The following TENM2 variants were observed in gnomAD, a reference collection of about 807,000 sequenced individuals.
TENM2 encodes the protein teneurin-2.
TENM2 carries 52 observed loss-of-function variants against 245.2 expected under a neutral mutation model. The ratio of observed to expected loss-of-function variants is 0.21; its 90% CI spans 0.17 to 0.27. TENM2 has a LOEUF of 0.27. Ranked by LOEUF, TENM2 falls within the 10% of genes least tolerant of loss-of-function variation. TENM2 has a pLI of 1.00. For synonymous variants in TENM2, 1,363 were observed against 1,438.9 expected (o/e 0.95, Z 1.19); for missense variants, 3,046 against 3,666.8 (o/e 0.83, Z 4.37).
the TENM2 span, among the ~76,000 whole-genome samples, chr5:167,096,571 T>G: frequency 6.6e-6 from 1 of 152,194 alleles, no homozygotes; most frequent in African/African-American, 2.4e-5. Flanking sequence ...GGCCAAACTC[T>G]AAACATCTGA....
chr5:167,906,564 A>G (rs2151546953), intron 3 of TENM2, among the ~76,000 whole-genome samples: 1 of 152,218 alleles, frequency 6.6e-6, no homozygotes, highest in South Asian at 2.1e-4. Flanking sequence ...TGCACCTCCT[A>G]CCCACTCTGG....
At position 168,115,853 on chromosome 5, in the gene TENM2, C is replaced by T. The variant is rs117627451; in HGVS notation, c.1814-2439C>T. On this transcript the variant is annotated intron_variant, in intron 9 of 28. Transcript: ENST00000518659. ...AGCCTGCACACTGCATTGACGGTTTCGAGGCTCTATCTGGGCTCAGGGGAA... is the reference window on the plus strand; with the variant it reads ...AGCCTGCACACTGCATTGACGGTTTTGAGGCTCTATCTGGGCTCAGGGGAA... 2.8e-4 allele frequency among the ~76,000 whole-genome samples: 43 copies of T among 152,194 alleles called. 2 individuals carry two copies. The highest frequency in any genetic ancestry group is 5.8e-4 in the East Asian group (3 of 5,164).
intron 3 of TENM2, among the ~76,000 whole-genome samples, chr5:167,910,157 G>T (rs1052176984): frequency 6.6e-6 from 1 of 152,086 alleles, no homozygotes; most frequent in African/African-American, 2.4e-5. Flanking sequence ...GCAGATACAG[G>T]CACATGTGCT....
the TENM2 span, among the ~76,000 whole-genome samples, chr5:167,231,999 T>C: frequency 6.6e-6 from 1 of 152,182 alleles, no homozygotes; most frequent in Non-Finnish European, 1.5e-5. Context: ...GCCCCAAGTA[T>C]TGGTGACTTG....
At chr5:167,696,029 G>A (rs146949961) in intron 2 of TENM2, among the ~76,000 whole-genome samples, 2,292 of 145,614 alleles carry the variant, frequency 0.016, 49 homozygotes, top group African/African-American at 0.054. Flanking sequence ...GCAAGACTCC[G>A]TCAAAAAAAA....
In TENM2 at chr5:167,326,534, G is replaced by A. The variant is rs569028458; in HGVS notation, c.226+41471G>A. Reference sequence around the variant, plus strand: ...CTAAAAATTCAAAAATTAGCCAGACGTGGTGGTGCACGCGTGTAGTCCCAG... The same window carrying A: ...CTAAAAATTCAAAAATTAGCCAGACATGGTGGTGCACGCGTGTAGTCCCAG... On this transcript the variant is annotated intron_variant, in intron 1 of 28. Transcript: ENST00000518659. Among the ~76,000 whole-genome samples the A allele has an allele frequency of 1.7e-4, 26 of 151,790 alleles. No homozygotes were observed. The South Asian group carries it at 3.5e-3, about 21-fold the overall frequency.
At chr5:167,457,327 ATTTTATTTTATTTTATTTTATTTTT>A (rs1310911721) in intron 2 of TENM2, among the ~76,000 whole-genome samples, 2 of 145,732 alleles carry the variant, frequency 1.4e-5, no homozygotes, top group Admixed American at 6.8e-5. Context: ...ATTTTATTTT[ATTTTATTTTATTTTATTTTATTTTT>A]AGACAGTTTC....
At chr5:167,269,690 G>C in the TENM2 span, among the ~76,000 whole-genome samples, 78 of 152,096 alleles carry the variant, frequency 5.1e-4, no homozygotes, top group African/African-American at 1.8e-3. Flanking sequence ...AAGTCTCCAG[G>C]GAATATCTTC....
intron 2 of TENM2, among the ~76,000 whole-genome samples, chr5:167,833,987 A>G (rs913731322): frequency 1.3e-5 from 2 of 152,188 alleles, no homozygotes; most frequent in Admixed American, 6.5e-5. Context: ...TCATTCAACA[A>G]ATGGTTCTAG....
chr5:167,319,038 T>TA (rs992194374), intron 1 of TENM2, among the ~76,000 whole-genome samples: 27 of 151,734 alleles, frequency 1.8e-4, no homozygotes, highest in Non-Finnish European at 2.9e-4. Flanking sequence ...TTAGAGATTT[T>TA]AAAAAAAAAT....
the TENM2 span, among the ~76,000 whole-genome samples, chr5:167,002,451 T>A: frequency 6.6e-6 from 1 of 152,064 alleles, no homozygotes; most frequent in Non-Finnish European, 1.5e-5. Context: ...AAATTATAGC[T>A]GCCTATGGAT....
At chr5:167,850,195 C>G (rs182865815) in intron 2 of TENM2, among the ~76,000 whole-genome samples, 1 of 152,176 alleles carries the variant, frequency 6.6e-6, no homozygotes, top group East Asian at 1.9e-4. Flanking sequence ...CCAGAGATAC[C>G]AAGGATTTTA....
At chr5:167,067,421 G>A in the TENM2 span, among the ~76,000 whole-genome samples, 1 of 152,212 alleles carries the variant, frequency 6.6e-6, no homozygotes, top group East Asian at 1.9e-4. Flanking sequence ...TAGAAGCCAC[G>A]TATTCTGAGC....
intron 5 of TENM2, among the ~76,000 whole-genome samples, chr5:167,996,043 A>G (rs1165873562): frequency 2.0e-5 from 3 of 152,200 alleles, no homozygotes; most frequent in Non-Finnish European, 2.9e-5. Flanking sequence ...CTTTATGGGC[A>G]GGCAGTGGGT....
At chr5:167,140,154 A>T in the TENM2 span, among the ~76,000 whole-genome samples, 1 of 152,146 alleles carries the variant, frequency 6.6e-6, no homozygotes, top group Non-Finnish European at 1.5e-5. Flanking sequence ...CTTTAAAAAA[A>T]ATTTAGAAAA....
chr5:167,951,679 T>G (rs1462522902), intron 3 of TENM2, among the ~76,000 whole-genome samples: 1 of 151,814 alleles, frequency 6.6e-6, no homozygotes, highest in Non-Finnish European at 1.5e-5. Flanking sequence ...TGCCATGACC[T>G]TCTCCAGAGA....
At chr5:168,194,218 TG>T (rs1395702475) in intron 14 of TENM2, among the ~76,000 whole-genome samples, 1 of 152,222 alleles carries the variant, frequency 6.6e-6, no homozygotes, top group East Asian at 1.9e-4. Context: ...CCCAGTCTGC[TG>T]GGGGCTTGGT....
At chr5:167,539,598 C>T (rs528987067) in intron 2 of TENM2, among the ~76,000 whole-genome samples, 17 of 152,162 alleles carry the variant, frequency 1.1e-4, no homozygotes, top group South Asian at 4.2e-4. Flanking sequence ...CCTTCTCTTA[C>T]GGGAAGATGA....
At chr5:168,092,272 G>A (rs922883975) in intron 8 of TENM2, among the ~76,000 whole-genome samples, 12 of 152,214 alleles carry the variant, frequency 7.9e-5, no homozygotes, top group African/African-American at 2.9e-4. Context: ...AGCAAAGACT[G>A]ACCCTATCAA....
Sources: allele counts gnomAD v4.1 joint callset (sites outside exome capture counted in the v4.1 genomes callset), GRCh38; gene constraint gnomAD v4.1.1; transcripts MANE v1.5; gene names NCBI Gene and HGNC (gene_info 2026-07-23, HGNC 2026-07-21).